WDFY1: variants seen among roughly 807,000 people sequenced by gnomAD.
WDFY1 encodes the protein WD repeat and FYVE domain-containing protein 1.
In WDFY1, 32 loss-of-function variants were observed where a neutral mutation model predicts 56.4. That is an observed-to-expected ratio of 0.57 (90% CI 0.43 to 0.76). The LOEUF (loss-of-function observed/expected upper bound fraction) is 0.76. Among genes scored for constraint, WDFY1 ranks in the 30% least tolerant of loss-of-function variants. WDFY1 has a pLI of 0.00. For synonymous variants in WDFY1, 192 were observed against 197.3 expected, an observed-to-expected ratio of 0.97 and a Z score of 0.23; for missense variants, 480 against 545.7, an observed-to-expected ratio of 0.88 and a Z score of 1.20.
At chr2:223,932,639 G>A (rs555642306) in intron 1 of WDFY1, among the ~76,000 whole-genome samples, 1 of 152,030 alleles carries the variant, frequency 6.6e-6, no homozygotes, top group East Asian at 1.9e-4. Flanking sequence ...GATAAAAAGA[G>A]ATCATTCAAT....
At chr2:223,880,345 G>A (rs564488824) in intron 10 of WDFY1, 113 bp from the exon 11 acceptor site, 5 of 868,932 alleles carry the variant, frequency 5.8e-6, no homozygotes, top group South Asian at 4.6e-5. Context: ...AGTGGCTCAT[G>A]TCTGTACCCC....
intron 1 of WDFY1, among the ~76,000 whole-genome samples, chr2:223,939,026 T>C (rs975869430): frequency 2.6e-5 from 4 of 152,104 alleles, no homozygotes; most frequent in Non-Finnish European, 5.9e-5. Flanking sequence ...GGCTAATTTC[T>C]GTATTCAGTA....
intron 3 of WDFY1, among the ~76,000 whole-genome samples, chr2:223,907,220 AC>A (rs1338538217): frequency 6.6e-6 from 1 of 151,070 alleles, no homozygotes; most frequent in South Asian, 2.1e-4. Flanking sequence ...CAAGTGATCC[AC>A]CCCCCTTGGC....
chr2:223,892,175 C>T (rs1055699298), intron 8 of WDFY1, among the ~76,000 whole-genome samples: 3 of 152,120 alleles, frequency 2.0e-5, no homozygotes, highest in Admixed American at 6.5e-5. Context: ...TGGGTTTCAC[C>T]ATGTTGGCCA....
intron 1 of WDFY1, among the ~76,000 whole-genome samples, chr2:223,922,585 C>T (rs1321795343): frequency 1.3e-5 from 2 of 152,174 alleles, no homozygotes; most frequent in Non-Finnish European, 2.9e-5. Context: ...CCTGTGTGTT[C>T]GGGTTTCTTA....
chr2:223,918,443 A>G (rs879784653), intron 1 of WDFY1, among the ~76,000 whole-genome samples: 7 of 152,120 alleles, frequency 4.6e-5, no homozygotes, highest in Non-Finnish European at 7.4e-5. Flanking sequence ...CTTGGCTAAC[A>G]TGATGAAACC....
rs1440459310 is a variant in WDFY1 at position 223,876,336 on chromosome 2, C to T, written c.*2335G>A. ...GCAGTCAAAATAAGGCAATAACCAT[C>T]AGCCTATCTGTACTTTTCTTCTGTG... is the stretch of plus-strand genomic sequence containing the variant. On this transcript the variant is annotated 3_prime_UTR_variant, in exon 12 of 12. Transcript: ENST00000233055. 3 of 152,556 alleles carry T rather than the reference C, an allele frequency of 2.0e-5. No individual in the cohort carries two copies. The highest frequency in any genetic ancestry group is 7.2e-5 in the African/African-American group (3 of 41,438). 9.5% of individuals were successfully genotyped at this position (152,556 alleles called of 1,614,324 possible). A position where few individuals can be genotyped will look rare whatever the true frequency, so the allele number is the denominator to read the frequency against.
At chr2:223,923,849 T>G (rs1693932537) in intron 1 of WDFY1, among the ~76,000 whole-genome samples, 1 of 152,240 alleles carries the variant, frequency 6.6e-6, no homozygotes, top group African/African-American at 2.4e-5. Flanking sequence ...CAATATTTTC[T>G]GTCTAGATTG....
intron 7 of WDFY1, chr2:223,894,556 C>G (rs1693329125): frequency 3.8e-6 from 2 of 527,864 alleles, no homozygotes; most frequent in Non-Finnish European, 6.8e-6. Context: ...TGACTACTTT[C>G]AAATCGGTCA....
chr2:223,880,560 T>C (rs191553541), intron 10 of WDFY1, among the ~76,000 whole-genome samples: 403 of 149,738 alleles, frequency 2.7e-3, no homozygotes, highest in African/African-American at 9.5e-3. Flanking sequence ...TGAGCCGAGA[T>C]TGTACCACTG....
chr2:223,929,180 C>T (rs61180702), intron 1 of WDFY1, among the ~76,000 whole-genome samples: 1 of 43,816 alleles, frequency 2.3e-5, no homozygotes, highest in African/African-American at 5.4e-5. Flanking sequence ...TTTTTTCTTT[C>T]TGTTTTTTGT....
chr2:223,935,082 T>A (rs1694146870), intron 1 of WDFY1, among the ~76,000 whole-genome samples: 1 of 152,078 alleles, frequency 6.6e-6, no homozygotes, highest in African/African-American at 2.4e-5. Context: ...ACTGCAGGTA[T>A]CCCAGGAATT....
At chr2:223,928,448 C>T in intron 1 of WDFY1, among the ~76,000 whole-genome samples, 1 of 152,168 alleles carries the variant, frequency 6.6e-6, no homozygotes, top group South Asian at 2.1e-4. Context: ...CTTGTGAGAA[C>T]CCCAGAGAAA....
At chr2:223,892,420 T>G (rs1693295302) in intron 8 of WDFY1, among the ~76,000 whole-genome samples, 2 of 152,220 alleles carry the variant, frequency 1.3e-5, no homozygotes, top group Non-Finnish European at 1.5e-5. Flanking sequence ...TCTTACAAAG[T>G]TACCAAAAAA....
At chr2:223,899,835 TATGAA>T (rs1693473399) in intron 5 of WDFY1, among the ~76,000 whole-genome samples, 1 of 152,190 alleles carries the variant, frequency 6.6e-6, no homozygotes, top group Non-Finnish European at 1.5e-5. Context: ...AATGGTTATT[TATGAA>T]ATATCTCTGA....
At chr2:223,913,992 G>GTTTT (rs1693746657) in intron 2 of WDFY1, among the ~76,000 whole-genome samples, 3 of 55,242 alleles carry the variant, frequency 5.4e-5, no homozygotes, top group African/African-American at 1.8e-4. Context: ...AAATCAGTTA[G>GTTTT]CTTTTTTTTT....
intron 1 of WDFY1, among the ~76,000 whole-genome samples, chr2:223,927,396 G>T (rs1053832362): frequency 2.0e-5 from 3 of 152,184 alleles, no homozygotes; most frequent in Non-Finnish European, 4.4e-5. Flanking sequence ...TTCTACATTA[G>T]CACTTGATGC....
chr2:223,913,944 G>A (rs1693745713), intron 2 of WDFY1, among the ~76,000 whole-genome samples: 1 of 151,614 alleles, frequency 6.6e-6, no homozygotes, highest in South Asian at 2.1e-4. Context: ...TGTAGAAGGG[G>A]AGGGGTTGGA....
At chr2:223,906,200 C>A (rs1574768410) in intron 3 of WDFY1, among the ~76,000 whole-genome samples, 199 bp from the exon 4 acceptor site, 1 of 152,200 alleles carries the variant, frequency 6.6e-6, no homozygotes, top group Non-Finnish European at 1.5e-5. Context: ...GGAGAACAGA[C>A]CGAATTGAAT....
Sources: allele counts gnomAD v4.1 joint callset (sites outside exome capture counted in the v4.1 genomes callset), GRCh38; gene constraint gnomAD v4.1.1; transcripts MANE v1.5; gene names NCBI Gene and HGNC (gene_info 2026-07-23, HGNC 2026-07-21).